TMCC3: variants seen among roughly 807,000 people sequenced by gnomAD.
TMCC3 encodes the protein transmembrane and coiled-coil domain family 3, also known as transmembrane and coiled-coil domain protein 3.
A neutral mutation model predicts 40.2 loss-of-function variants in TMCC3; 28 were observed. The observed-to-expected ratio is 0.70, with a 90% confidence interval of 0.52 to 0.95. The LOEUF is 0.95. Among genes scored for constraint, TMCC3 ranks in the 40% least tolerant of loss-of-function variants. TMCC3 has a pLI of 0.00. For synonymous variants in TMCC3, 255 were observed against 248.5 expected, an observed-to-expected ratio of 1.03 and a Z score of -0.25; for missense variants, 554 against 615.2, an observed-to-expected ratio of 0.90 and a Z score of 1.05.
intron 1 of TMCC3, among the ~76,000 whole-genome samples, chr12:94,641,383 A>G (rs946701580): frequency 6.6e-6 from 1 of 152,162 alleles, no homozygotes; most frequent in Non-Finnish European, 1.5e-5. Flanking sequence ...CCTGTGGAAC[A>G]AGAGGTAGGT....
rs3073591 is a variant in TMCC3 at position 94,639,668 on chromosome 12, AACACACAC to A, written c.78+10677_78+10684del. ...AGATTACAGGAAACACATATATGTA[AACACACAC>A]ACACACACACACACACACACACACA... On this transcript the variant is annotated intron_variant, in intron 1 of 3. Coordinates refer to ENST00000261226, the MANE Select transcript of TMCC3 (RefSeq NM_020698.4). Among the ~76,000 whole-genome samples, 359 of 124,138 alleles carry A rather than the reference AACACACAC, an allele frequency of 2.9e-3. 1 individual carries two copies. The highest frequency in any genetic ancestry group is 4.7e-3 in the Non-Finnish European group (286 of 60,972). The allele number at this position is 124,138 out of a possible 152,430, so 81.4% of individuals were successfully genotyped here.
intron 1 of TMCC3, among the ~76,000 whole-genome samples, chr12:94,616,816 G>A (rs114913167): frequency 0.013 from 2,036 of 152,328 alleles, 21 homozygotes; most frequent in African/African-American, 0.021. Flanking sequence ...GGTCACACCC[G>A]GAGGGTCCCA....
intron 1 of TMCC3, among the ~76,000 whole-genome samples, chr12:94,614,973 T>C (rs1040766983): frequency 1.9e-4 from 29 of 151,992 alleles, no homozygotes; most frequent in Admixed American, 1.9e-3. Context: ...AAGACCCAAA[T>C]GATCAAATGA....
chr12:94,644,360 G>A lies in TMCC3; in HGVS notation c.78+5993C>T, dbSNP rs546791777. On this transcript the variant is annotated intron_variant, in intron 1 of 3. Transcript: ENST00000261226. ...CAGACTCTTCTAAGTCAAGCTGCGG[G>A]CATTTTCCAAGTAGGACTAGGTTGA... The A allele has an allele frequency of 6.5e-5, 64 of 985,012 alleles. 1 individual carries two copies. In the South Asian group the frequency reaches 2.3e-3, roughly 35 times the overall value. The allele number at this position is 985,012 out of a possible 1,614,324, so 61.0% of individuals were successfully genotyped here. A position where few individuals can be genotyped will look rare whatever the true frequency, so the allele number is the denominator to read the frequency against.
Position 94,650,273 on chromosome 12 carries a change from G to A in TMCC3, c.78+80C>T, listed in dbSNP as rs879720644. 6.1e-5 allele frequency: 57 copies of A among 930,034 alleles called. No individual in the cohort carries two copies. The Middle Eastern group carries it at 1.6e-3, about 27-fold the overall frequency. 57.6% of individuals were successfully genotyped at this position (930,034 alleles called of 1,614,324 possible). On this transcript the variant is annotated intron_variant, in intron 1 of 3. Coordinates refer to ENST00000261226, the MANE Select transcript of TMCC3 (RefSeq NM_020698.4). ...GCGGCGAAACGCCGGGGGCGCGTGG[G>A]TTAGCACTGAGCCGCCGCCCCAGCC... is the stretch of plus-strand genomic sequence containing the variant.
intron 3 of TMCC3, 65 bp from the exon 4 acceptor site, chr12:94,571,802 G>A (rs983382192): frequency 2.2e-5 from 34 of 1,545,178 alleles, no homozygotes; most frequent in Admixed American, 6.9e-5. Flanking sequence ...GTGAGTGCTC[G>A]CTCAGCTGTA....
At chr12:94,618,614 T>C (rs1322354250) in intron 1 of TMCC3, among the ~76,000 whole-genome samples, 1 of 152,170 alleles carries the variant, frequency 6.6e-6, no homozygotes, top group Admixed American at 6.5e-5. Context: ...GCCTCAAGCA[T>C]GACCAGTTTG....
At chr12:94,612,542 C>T (rs572822609) in intron 1 of TMCC3, among the ~76,000 whole-genome samples, 1 of 152,106 alleles carries the variant, frequency 6.6e-6, no homozygotes, top group Non-Finnish European at 1.5e-5. Context: ...GATCTCTTGA[C>T]CTTGTGATCC....
At chr12:94,584,223 G>A (rs2068624225) in intron 1 of TMCC3, among the ~76,000 whole-genome samples, 1 of 152,116 alleles carries the variant, frequency 6.6e-6, no homozygotes. Flanking sequence ...CTCTGCTGCT[G>A]TTCTCATGGT....
chr12:94,637,566 T>C (rs2068966940), intron 1 of TMCC3, among the ~76,000 whole-genome samples: 1 of 152,178 alleles, frequency 6.6e-6, no homozygotes, highest in Non-Finnish European at 1.5e-5. Flanking sequence ...CAACACAGAG[T>C]AGGTGCAGTG....
intron 1 of TMCC3, among the ~76,000 whole-genome samples, chr12:94,590,478 G>C (rs1467049260): frequency 6.6e-6 from 1 of 152,016 alleles, no homozygotes; most frequent in African/African-American, 2.4e-5. Flanking sequence ...GAGAGAATGA[G>C]ATTAAAAACA....
chr12:94,641,460 G>A (rs898907014), intron 1 of TMCC3, among the ~76,000 whole-genome samples: 3 of 152,166 alleles, frequency 2.0e-5, no homozygotes, highest in African/African-American at 7.2e-5. Context: ...AAATTGGCGT[G>A]TAAGGCAGAA....
At chr12:94,609,845 C>G (rs1048677408) in intron 1 of TMCC3, 1 of 152,142 alleles carries the variant, frequency 6.6e-6, no homozygotes, top group East Asian at 1.9e-4. Flanking sequence ...CCAGAAATCA[C>G]GTGTAGACAG....
At chr12:94,614,336 C>T (rs967082780) in intron 1 of TMCC3, among the ~76,000 whole-genome samples, 4 of 152,176 alleles carry the variant, frequency 2.6e-5, no homozygotes, top group Non-Finnish European at 5.9e-5. Context: ...TCATTATCCT[C>T]ACTGGTTACA....
rs534269529 is a variant in TMCC3 at position 94,582,523 on chromosome 12, T to C, written c.94A>G (p.Met32Val). The change falls in exon 2 of 4, where the codon ATG (methionine) becomes GTG (valine). Residue 32 changes from methionine to valine, a missense_variant. Met to Val is a conservative substitution (Grantham distance 21, BLOSUM62 1). Coordinates refer to ENST00000261226, the MANE Select transcript of TMCC3 (RefSeq NM_020698.4). The part of the protein sequence containing the change: ...RCKSRVERHD[M>V]NTLSLPLNIR... Reference sequence around the variant, plus strand: ...TTCAGGGGCAGGCTTAAGGTATTCATGTCATGACGTTCTACCTGAAAGAGA... The same window carrying C: ...TTCAGGGGCAGGCTTAAGGTATTCACGTCATGACGTTCTACCTGAAAGAGA... 7 of 1,602,176 alleles carry C rather than the reference T, an allele frequency of 4.4e-6. No individual in the cohort carries two copies. The highest frequency in any genetic ancestry group is 4.5e-5 in the East Asian group (2 of 44,760).
chr12:94,650,273 G>T, intron 1 of TMCC3, 80 bp downstream of exon 1: 1 of 930,032 alleles, frequency 1.1e-6, no homozygotes, highest in Non-Finnish European at 1.4e-6. Flanking sequence ...GGGCGCGTGG[G>T]TTAGCACTGA....
At chr12:94,590,213 C>T (rs1275203472) in intron 1 of TMCC3, among the ~76,000 whole-genome samples, 1 of 149,884 alleles carries the variant, frequency 6.7e-6, no homozygotes, top group African/African-American at 2.5e-5. Context: ...CCCGTCTCAG[C>T]CTCCCGAGAA....
At position 94,650,361 on chromosome 12, in the gene TMCC3, T is replaced by G; in HGVS notation, c.70A>C (p.Lys24Gln). 1 of 1,329,452 alleles carries G rather than the reference T, an allele frequency of 7.5e-7. No homozygotes were observed. Among genetic ancestry groups the G allele is most frequent in the Non-Finnish European group, 9.7e-7 (1 of 1,034,086 alleles). The allele number at this position is 1,329,452 out of a possible 1,614,324, so 82.4% of individuals were successfully genotyped here. A position where few individuals can be genotyped will look rare whatever the true frequency, so the allele number is the denominator to read the frequency against. The change falls in exon 1 of 4, where the codon AAG becomes CAG. Residue 24 changes from lysine (K) to glutamine (Q), a missense_variant. Coordinates refer to ENST00000261226, the MANE Select transcript of TMCC3 (RefSeq NM_020698.4). Reference protein sequence around the residue: ...YSYPGRHHRCKSRVERHDMNT... With the variant: ...YSYPGRHHRCQSRVERHDMNT... ...CAGCCCGCTGCGCTCACCCGGCTCT[T>G]GCAGCGGTGGTGCCGGCCGGGGTAC...
chr12:94,581,638 G>A lies in TMCC3; in HGVS notation c.979C>T (p.Gln327Ter). The part of the protein sequence containing the change: ...REYGFISQTL[Q>*]EERYRYERLE... The stretch of plus-strand genomic sequence containing the variant: ...TTGAAATACCTGTATCTTTCCTCTT[G>A]CAGGGTCTGAGAAATAAAACCATAT... The change falls in exon 2 of 4, where the codon CAA (glutamine) becomes TAA (stop). Residue 327 changes from glutamine to a stop codon, truncating the protein, a stop_gained. Transcript: ENST00000261226. LOFTEE classifies it high-confidence loss of function. 1 of 1,566,928 alleles carries A rather than the reference G, an allele frequency of 6.4e-7. No homozygotes were observed. The highest frequency in any genetic ancestry group is 8.7e-7 in the Non-Finnish European group (1 of 1,150,116).
Sources: allele counts gnomAD v4.1 joint callset (sites outside exome capture counted in the v4.1 genomes callset), GRCh38; gene constraint gnomAD v4.1.1; transcripts MANE v1.5; gene names NCBI Gene and HGNC (gene_info 2026-07-23, HGNC 2026-07-21).